Variants in NMD3 observed in about 807,000 individuals in gnomAD.
NMD3 encodes the protein NMD3 ribosome export adaptor, also known as 60S ribosomal export protein NMD3.
In NMD3, 47 loss-of-function variants were observed where a neutral mutation model predicts 73.1. That is an observed-to-expected ratio of 0.64 (90% CI 0.51 to 0.82). NMD3 has a LOEUF of 0.82. Ranked by LOEUF, NMD3 falls within the 40% of genes least tolerant of loss-of-function variation. The probability of loss-of-function intolerance (pLI) is 0.00; values close to 1 mark genes in which losing one functional copy is unlikely to be tolerated. For synonymous variants in NMD3, 210 were observed against 194.5 expected, an observed-to-expected ratio of 1.08 and a Z score of -0.66; for missense variants, 554 against 612.5, an observed-to-expected ratio of 0.90 and a Z score of 1.01.
rs79205809 is a variant in NMD3, at chr3:161,222,077, C to T, written c.44+20C>T. On this transcript the variant is annotated intron_variant, in intron 2 of 15. Transcript: ENST00000351193. ...ACACATGTGAGTGCGACACTTCTTC[C>T]TTCCCCCTTAAATGTGAAAATCTTC... The T allele has an allele frequency of 1.5e-3, 2,371 of 1,595,534 alleles. 30 individuals carry two copies. The African/African-American group carries it at 0.027, about 18-fold the overall frequency.
chr3:161,232,136 CTTTTT>C (rs11301799), intron 4 of NMD3, among the ~76,000 whole-genome samples: 1 of 96,410 alleles, frequency 1.0e-5, no homozygotes, highest in Admixed American at 1.1e-4. Flanking sequence ...GCCTTTGGGG[CTTTTT>C]TTTTTTTTTT....
chr3:161,235,930 A>G (rs1054447275), intron 7 of NMD3, among the ~76,000 whole-genome samples: 1 of 151,946 alleles, frequency 6.6e-6, no homozygotes, highest in Non-Finnish European at 1.5e-5. Context: ...ACTTTTATCT[A>G]TTATGTTAGT....
At chr3:161,246,743 T>C (rs1371296362) in intron 12 of NMD3, among the ~76,000 whole-genome samples, 1 of 152,222 alleles carries the variant, frequency 6.6e-6, no homozygotes, top group Non-Finnish European at 1.5e-5. Flanking sequence ...AGATTGGGTC[T>C]TTTTTATTGT....
intron 13 of NMD3, among the ~76,000 whole-genome samples, 184 bp from the exon 14 acceptor site, chr3:161,249,270 A>T (rs1338602256): frequency 6.6e-6 from 1 of 152,228 alleles, no homozygotes; most frequent in South Asian, 2.1e-4. Context: ...ATCCATTCTC[A>T]TAAAAAGTTA....
intron 9 of NMD3, among the ~76,000 whole-genome samples, chr3:161,240,176 A>T (rs1736912725): frequency 6.6e-6 from 1 of 152,208 alleles, no homozygotes; most frequent in Admixed American, 6.5e-5. Flanking sequence ...GTGAATAGAT[A>T]CACCTTAAAA....
intron 4 of NMD3, 130 bp from the exon 5 acceptor site, chr3:161,233,269 G>T: frequency 2.0e-6 from 1 of 512,028 alleles, no homozygotes. Flanking sequence ...TTGTGATGAT[G>T]GTGTGTAGTA....
At chr3:161,233,821 G>A (rs904154129) in intron 5 of NMD3, among the ~76,000 whole-genome samples, 2 of 152,106 alleles carry the variant, frequency 1.3e-5, no homozygotes, top group Non-Finnish European at 2.9e-5. Context: ...GAATCTATAA[G>A]TAGGTTGAGT....
intron 2 of NMD3, among the ~76,000 whole-genome samples, chr3:161,223,628 T>C (rs903162232): frequency 1.3e-5 from 2 of 152,202 alleles, no homozygotes; most frequent in Non-Finnish European, 2.9e-5. Context: ...TAGACAGCTG[T>C]AGTCTTTTAA....
chr3:161,238,004 A>G, intron 7 of NMD3, 109 bp from the exon 8 acceptor site: 1 of 725,684 alleles, frequency 1.4e-6, no homozygotes, highest in South Asian at 1.9e-5. Flanking sequence ...GAGTTTTCTA[A>G]TAATTTGATT....
At chr3:161,225,120 C>T (rs535101010) in intron 3 of NMD3, 56 bp downstream of exon 3, 201 of 1,544,842 alleles carry the variant, frequency 1.3e-4, no homozygotes, top group African/African-American at 1.4e-5. Flanking sequence ...TTTAGAGAAC[C>T]ACCGAGATAT....
intron 13 of NMD3, among the ~76,000 whole-genome samples, chr3:161,248,151 C>A (rs1358561165): frequency 6.6e-6 from 1 of 152,020 alleles, no homozygotes; most frequent in Non-Finnish European, 1.5e-5. Flanking sequence ...CTTTTCTAAT[C>A]ACATTTTCAT....
intron 14 of NMD3, chr3:161,249,838 G>A: frequency 2.2e-6 from 1 of 457,852 alleles, no homozygotes; most frequent in Non-Finnish European, 3.9e-6. Context: ...GCTTAACAAT[G>A]GGCATACCTT....
Position 161,240,526 on chromosome 3 carries a change from A to ATTTTT in NMD3, c.754-508_754-504dup, listed in dbSNP as rs539406360. ...AATAGCTTGGTGATTTGGGCCCTGG[A>ATTTTT]TTTTTTTTTTTTTTTTGAGAGACAG... On this transcript the variant is annotated intron_variant, in intron 9 of 15. Coordinates refer to ENST00000351193, the MANE Select transcript of NMD3 (RefSeq NM_015938.5). 6.3e-5 allele frequency among the ~76,000 whole-genome samples: 7 copies of ATTTTT among 111,698 alleles called. 1 individual carries two copies. Among genetic ancestry groups the ATTTTT allele is most frequent in the African/African-American group, 2.7e-4 (7 of 26,384 alleles). 73.3% of individuals were successfully genotyped at this position (111,698 alleles called of 152,430 possible).
chr3:161,246,173 A>C (rs1168719235), intron 11 of NMD3, among the ~76,000 whole-genome samples, 163 bp from the exon 12 acceptor site: 2 of 152,194 alleles, frequency 1.3e-5, no homozygotes, highest in Non-Finnish European at 2.9e-5. Flanking sequence ...ATGATTCAGT[A>C]ATTTGTTAAT....
intron 5 of NMD3, 94 bp from the exon 6 acceptor site, chr3:161,234,633 A>G: frequency 1.8e-6 from 2 of 1,088,986 alleles, no homozygotes; most frequent in Non-Finnish European, 2.6e-6. Context: ...TTAATGGAAA[A>G]AGTTTTAAAT....
At chr3:161,250,577 G>A (rs6782415) in intron 15 of NMD3, among the ~76,000 whole-genome samples, 7,652 of 152,076 alleles carry the variant, frequency 0.05, 501 homozygotes, top group African/African-American at 0.14. Context: ...CTATAGTGGT[G>A]GAAGTATATT....
chr3:161,242,640 T>G lies in NMD3; in HGVS notation c.1004T>G (p.Met335Arg). The change falls in exon 11 of 16, where the codon ATG becomes AGG. Residue 335 changes from methionine to arginine, a missense_variant. Met to Arg is a moderately conservative substitution (Grantham distance 91). Transcript: ENST00000351193. ...QDIKRAAGAG[M>R]ISKKHTLGEV... is the part of the protein sequence containing the mutation. ...ATAAAACGTGCTGCAGGTGCTGGAA[T>G]GATATCAAAAAAGGTAAGCTACATC... 6.2e-7 allele frequency: 1 copy of G among 1,610,332 alleles called. No homozygotes were observed. Among genetic ancestry groups the G allele is most frequent in the Non-Finnish European group, 8.5e-7 (1 of 1,178,052 alleles).
At chr3:161,250,176 A>G (rs1737424386) in intron 14 of NMD3, 80 bp from the exon 15 acceptor site, 2 of 766,820 alleles carry the variant, frequency 2.6e-6, no homozygotes. Flanking sequence ...ATGTCTACAT[A>G]GTCCTTAAAA....
At position 161,251,025 on chromosome 3, in the gene NMD3, T is replaced by G. The variant is rs1347179750; in HGVS notation, c.*115T>G. 8 of 731,650 alleles carry G rather than the reference T, an allele frequency of 1.1e-5. No individual in the cohort carries two copies. The highest frequency in any genetic ancestry group is 1.7e-5 in the Non-Finnish European group (8 of 460,440). The allele number at this position is 731,650 out of a possible 1,614,324, so 45.3% of individuals were successfully genotyped here. A position where few individuals can be genotyped will look rare whatever the true frequency, so the allele number is the denominator to read the frequency against. The stretch of plus-strand genomic sequence containing the variant: ...AAGAGGAGAAATTTAGTTTTAAACC[T>G]GAATAAACATGTTTGTTTTCAGTGC... On this transcript the variant is annotated 3_prime_UTR_variant, in exon 16 of 16. Coordinates refer to ENST00000351193, the MANE Select transcript of NMD3 (RefSeq NM_015938.5).
Sources: allele counts gnomAD v4.1 joint callset (sites outside exome capture counted in the v4.1 genomes callset), GRCh38; gene constraint gnomAD v4.1.1; transcripts MANE v1.5; gene names NCBI Gene and HGNC (gene_info 2026-07-23, HGNC 2026-07-21).